Variants in USH2A observed in about 807,000 individuals in gnomAD.
USH2A encodes the protein usherin.
Under a neutral mutation model 538.9 loss-of-function variants are expected in USH2A, and 443 were observed. The ratio of observed to expected loss-of-function variants is 0.82; its 90% confidence interval spans 0.76 to 0.89. The LOEUF (loss-of-function observed/expected upper bound fraction) is 0.89. Among genes scored for constraint, USH2A ranks in the 40% least tolerant of loss-of-function variants. USH2A has a pLI of 0.00. For synonymous variants in USH2A, 2,413 were observed against 2,273.5 expected (o/e 1.06, Z -1.75); for missense variants, 6,633 against 6,324.8 (o/e 1.05, Z -1.65).
At chr1:215,763,327 C>T (rs1176737748) in intron 56 of USH2A, among the ~76,000 whole-genome samples, 2 of 152,118 alleles carry the variant, frequency 1.3e-5, no homozygotes, top group Non-Finnish European at 2.9e-5. Context: ...AAAGGGTAAC[C>T]TGACACAGAC....
intron 35 of USH2A, among the ~76,000 whole-genome samples, chr1:215,975,153 T>G (rs560387666): frequency 3.9e-5 from 6 of 152,106 alleles, no homozygotes; most frequent in Admixed American, 3.3e-4. Context: ...TGTTCATGTC[T>G]TTTACCCACT....
intron 11 of USH2A, among the ~76,000 whole-genome samples, chr1:216,278,295 C>G (rs2036708654): frequency 6.6e-6 from 1 of 152,130 alleles, no homozygotes; most frequent in Non-Finnish European, 1.5e-5. Flanking sequence ...AAGACCTCAT[C>G]TCAGTTACAA....
intron 64 of USH2A, among the ~76,000 whole-genome samples, chr1:215,662,824 G>A (rs576227118): frequency 8.4e-4 from 128 of 152,226 alleles, no homozygotes; most frequent in African/African-American, 2.7e-3. Flanking sequence ...CATGCTGGTC[G>A]GAAATACATT....
At chr1:216,123,542 T>C (rs2033178411) in intron 21 of USH2A, among the ~76,000 whole-genome samples, 1 of 151,918 alleles carries the variant, frequency 6.6e-6, no homozygotes, top group Non-Finnish European at 1.5e-5. Context: ...GTTTTCACTG[T>C]TTCTGTTTTC....
chr1:216,227,368 T>A (rs998261757), intron 14 of USH2A, among the ~76,000 whole-genome samples: 2 of 152,204 alleles, frequency 1.3e-5, no homozygotes, highest in African/African-American at 4.8e-5. Context: ...TGTTAGTAAG[T>A]GAATGAAGAG....
chr1:216,382,902 C>A (rs571042867), intron 3 of USH2A, among the ~76,000 whole-genome samples: 2 of 151,476 alleles, frequency 1.3e-5, no homozygotes, highest in Admixed American at 1.3e-4. Context: ...GATGAAAGCC[C>A]GAAGAAAACA....
intron 45 of USH2A, 88 bp downstream of exon 45, chr1:215,845,736 T>C (rs1663821904): frequency 7.0e-7 from 1 of 1,427,112 alleles, no homozygotes. Flanking sequence ...AATTTTATAA[T>C]GGAGGGATGA....
intron 61 of USH2A, among the ~76,000 whole-genome samples, chr1:215,688,415 G>A (rs2820694): frequency 0.37 from 55,849 of 151,860 alleles, 10,513 homozygotes; most frequent in South Asian, 0.56. Context: ...TGTAAACAAG[G>A]GTGTGACACA....
intron 9 of USH2A, 55 bp from the exon 10 acceptor site, chr1:216,292,425 T>C: frequency 6.3e-7 from 1 of 1,575,504 alleles, no homozygotes; most frequent in Non-Finnish European, 8.7e-7. Flanking sequence ...TTTTCTTTCA[T>C]TTTATTGATA....
At position 216,365,093 on chromosome 1, in the gene USH2A, A is replaced by G; in HGVS notation, c.652-8T>C. 5 of 1,610,710 alleles carry G rather than the reference A, an allele frequency of 3.1e-6. No homozygotes were observed. Among genetic ancestry groups the G allele is most frequent in the Non-Finnish European group, 8.5e-7 (1 of 1,178,444 alleles). ...GATTTTTGTCTGATGCACCTGTAAGAAATTACCACCATTATTAGTTTAAGT... is the reference window on the plus strand; with the variant it reads ...GATTTTTGTCTGATGCACCTGTAAGGAATTACCACCATTATTAGTTTAAGT... On this transcript the variant is annotated splice_region_variant and splice_polypyrimidine_tract_variant and intron_variant, in intron 3 of 71. Coordinates refer to ENST00000307340, the MANE Select transcript of USH2A (RefSeq NM_206933.4).
rs1486994408 is a variant in USH2A, at chr1:215,911,044, T to C, written c.7301-10139A>G. ...CTTAGTTTTAATCACTTGAGAACAA[T>C]TTTTTTCTTAATTTTTTAATTTTTT... On this transcript the variant is annotated intron_variant, in intron 38 of 71. Transcript: ENST00000307340. 5.3e-5 allele frequency among the ~76,000 whole-genome samples: 8 copies of C among 151,958 alleles called. No individual in the cohort carries two copies. The East Asian group carries it at 1.6e-3, about 30-fold the overall frequency.
chr1:215,831,123 C>T (rs990344338), intron 47 of USH2A, among the ~76,000 whole-genome samples: 7 of 152,062 alleles, frequency 4.6e-5, no homozygotes. Flanking sequence ...AGTAAAAGGG[C>T]TTATCACATA....
At chr1:215,969,199 G>T (rs555656559) in intron 36 of USH2A, among the ~76,000 whole-genome samples, 1 of 152,128 alleles carries the variant, frequency 6.6e-6, no homozygotes, top group Admixed American at 6.6e-5. Flanking sequence ...AGGGAAAAGC[G>T]TTTGCATACT....
chr1:216,259,633 A>C (rs2036328635), intron 11 of USH2A, among the ~76,000 whole-genome samples: 1 of 152,282 alleles, frequency 6.6e-6, no homozygotes, highest in East Asian at 1.9e-4. Context: ...GAGGAATACT[A>C]GGGCAGAATA....
chr1:216,096,670 G>C (rs2032448462), intron 22 of USH2A, among the ~76,000 whole-genome samples: 1 of 152,058 alleles, frequency 6.6e-6, no homozygotes, highest in African/African-American at 2.4e-5. Context: ...GCAACGCCCA[G>C]TACCATAGTA....
At chr1:215,769,259 G>A (rs1311475784) in intron 55 of USH2A, among the ~76,000 whole-genome samples, 1 of 152,112 alleles carries the variant, frequency 6.6e-6, no homozygotes, top group Admixed American at 6.5e-5. Flanking sequence ...AATGGCCTCA[G>A]TTATCTTCCT....
Position 215,728,392 on chromosome 1 carries a change from G to C in USH2A, c.11712-8C>G, listed in dbSNP as rs376351199. The C allele has an allele frequency of 1.9e-6, 3 of 1,613,616 alleles. No homozygotes were observed. The highest frequency in any genetic ancestry group is 2.5e-6 in the Non-Finnish European group (3 of 1,179,886). On this transcript the variant is annotated splice_region_variant and splice_polypyrimidine_tract_variant and intron_variant, in intron 60 of 71. Coordinates refer to ENST00000307340, the MANE Select transcript of USH2A (RefSeq NM_206933.4). ...TCAATGCCAGCAGGGCGTCTGAAAG[G>C]AAACCAAGCAGGCAACCAGTGACAG... is the stretch of plus-strand genomic sequence containing the variant.
intron 11 of USH2A, among the ~76,000 whole-genome samples, chr1:216,268,355 T>A (rs1234765139): frequency 6.6e-6 from 1 of 152,078 alleles, no homozygotes; most frequent in Non-Finnish European, 1.5e-5. Flanking sequence ...ATCAATAAAA[T>A]GAGCATAATA....
intron 4 of USH2A, among the ~76,000 whole-genome samples, chr1:216,342,595 C>T (rs149540336): frequency 2.0e-4 from 30 of 152,272 alleles, no homozygotes; most frequent in African/African-American, 5.8e-4. Flanking sequence ...CCCAAATTCT[C>T]ATCAATGATA....
Sources: allele counts gnomAD v4.1 joint callset (sites outside exome capture counted in the v4.1 genomes callset), GRCh38; gene constraint gnomAD v4.1.1; transcripts MANE v1.5; gene names NCBI Gene and HGNC (gene_info 2026-07-23, HGNC 2026-07-21).